PLCE1: variants seen among roughly 807,000 people sequenced by gnomAD.
PLCE1 encodes the protein phospholipase C epsilon 1.
A neutral mutation model predicts 242.8 loss-of-function variants in PLCE1; 119 were observed. The observed-to-expected ratio is 0.49, with a 90% CI of 0.42 to 0.57. The LOEUF (loss-of-function observed/expected upper bound fraction) is 0.57. PLCE1 is among the 20% of genes least tolerant of loss of function. The probability of loss-of-function intolerance (pLI) is 0.00; values close to 1 mark genes in which losing one functional copy is unlikely to be tolerated. For missense variants in PLCE1, 2,441 were observed against 2,788.8 expected, an observed-to-expected ratio of 0.88 and a Z score of 2.81; for synonymous variants, 945 against 1,017.4, an observed-to-expected ratio of 0.93 and a Z score of 1.35.
At chr10:94,238,384 G>A (rs12770820) in intron 7 of PLCE1, among the ~76,000 whole-genome samples, 4,769 of 152,300 alleles carry the variant, frequency 0.031, 99 homozygotes, top group Non-Finnish European at 0.047. Flanking sequence ...TGTGCCTAGC[G>A]AGCTGAAGTC....
chr10:94,280,003 AC>A, intron 20 of PLCE1, 92 bp downstream of exon 20: 1 of 1,265,024 alleles, frequency 7.9e-7, no homozygotes, highest in Non-Finnish European at 1.2e-6. Flanking sequence ...AGCGCCAAAG[AC>A]CAGTAATACG....
At chr10:94,009,762 C>T (rs1374673058) in intron 1 of PLCE1, among the ~76,000 whole-genome samples, 2 of 152,194 alleles carry the variant, frequency 1.3e-5, no homozygotes, top group African/African-American at 4.8e-5. Flanking sequence ...CTTAAAGCTC[C>T]AATATAATCC....
In PLCE1 at chr10:94,254,986, C is replaced by T. The variant is rs540730568; in HGVS notation, c.3491C>T (p.Thr1164Met). ...TAGSPNLAAG[T>M]SSPIRPVSSP... The stretch of plus-strand genomic sequence containing the variant: ...GGGTCCCCCAACTTGGCTGCCGGGA[C>T]GTCATCTCCCATCAGGCCAGTGTCC... Residue 1164 changes from threonine to methionine, a missense_variant, in exon 11 of 33, where the codon ACG becomes ATG. Around this residue, in one of 5 missense-constraint regions of PLCE1, gnomAD observed 1,004 missense variants for 1,322.7 expected, o/e 0.76. Coordinates refer to ENST00000371380, the MANE Select transcript of PLCE1 (RefSeq NM_016341.4). 29 of 1,614,136 alleles carry T rather than the reference C, an allele frequency of 1.8e-5. No individual in the cohort carries two copies. The highest frequency in any genetic ancestry group is 2.7e-5 in the African/African-American group (2 of 75,034).
intron 27 of PLCE1, among the ~76,000 whole-genome samples, chr10:94,309,278 A>G (rs1382490877): frequency 6.6e-6 from 1 of 152,156 alleles, no homozygotes; most frequent in Admixed American, 6.6e-5. Flanking sequence ...TGAGAATGGA[A>G]GAAGGACACT....
intron 4 of PLCE1, among the ~76,000 whole-genome samples, chr10:94,203,433 G>A (rs530892499): frequency 3.9e-5 from 6 of 152,268 alleles, no homozygotes; most frequent in Admixed American, 2.6e-4. Context: ...GAAATTATTC[G>A]TTTAAAATCT....
chr10:94,249,048 C>T (rs1402905044), intron 8 of PLCE1, among the ~76,000 whole-genome samples: 1 of 152,074 alleles, frequency 6.6e-6, no homozygotes, highest in Admixed American at 6.5e-5. Flanking sequence ...ACAGCTCCAC[C>T]CTCCCCCACC....
rs760038608 is a variant in PLCE1, at chr10:94,265,913, G to A, written c.4236G>A (p.Thr1412=). The A allele has an allele frequency of 1.5e-5, 25 of 1,613,774 alleles. No homozygotes were observed. In the South Asian group the frequency reaches 1.6e-4, roughly 11 times the overall value. ...AATCTTCGCACAATACCTACCTCAC[G>A]GGCCATCAGCTCAAAGGAGAATCCT... ...YIESSHNTYL[T]GHQLKGESSV... The change falls in exon 16 of 33, where the codon ACG becomes ACA. Residue 1412 remains threonine, a synonymous_variant. Transcript: ENST00000371380.
chr10:94,298,364 T>C lies in PLCE1; in HGVS notation c.5168-15T>C, dbSNP rs937294044. The C allele has an allele frequency of 1.9e-6, 3 of 1,613,490 alleles. No individual in the cohort carries two copies. In the African/African-American group the frequency reaches 4.0e-5, roughly 22 times the overall value. ...TTTCTACACTAATCTGCGGCTAATT[T>C]CTTGGGGGGTTTAGGTTCCTGTGAA... On this transcript the variant is annotated splice_polypyrimidine_tract_variant and intron_variant, in intron 23 of 32. Coordinates refer to ENST00000371380, the MANE Select transcript of PLCE1 (RefSeq NM_016341.4). This position sits in a 1 kb window ranked among gnomAD's most constrained non-coding sequence, Gnocchi z 5.2.
chr10:94,157,773 C>T (rs2047479384), intron 3 of PLCE1, among the ~76,000 whole-genome samples: 1 of 152,208 alleles, frequency 6.6e-6, no homozygotes, highest in African/African-American at 2.4e-5. Flanking sequence ...GCCTCATTCA[C>T]CCTCTGATTT....
At chr10:94,270,652 A>T (rs1452846223) in intron 18 of PLCE1, 50 bp downstream of exon 18, 1 of 1,090,052 alleles carries the variant, frequency 9.2e-7, no homozygotes, top group Non-Finnish European at 1.4e-6. Context: ...TTGTTTTGCA[A>T]TTGTCATTGG....
At chr10:94,303,049 G>A (rs1377875481) in intron 24 of PLCE1, among the ~76,000 whole-genome samples, 6 of 152,338 alleles carry the variant, frequency 3.9e-5, no homozygotes, top group Middle Eastern at 3.4e-3. Context: ...GGGCCTGAGA[G>A]ATGAGGTCCT....
chr10:94,086,965 A>C (rs186404530), intron 2 of PLCE1, among the ~76,000 whole-genome samples: 3 of 152,328 alleles, frequency 2.0e-5, no homozygotes, highest in African/African-American at 7.2e-5. Context: ...GGAGGTGATT[A>C]GTATTCTTGT....
chr10:94,177,407 A>G (rs2048159562), intron 4 of PLCE1, among the ~76,000 whole-genome samples: 1 of 152,166 alleles, frequency 6.6e-6, no homozygotes, highest in Admixed American at 6.5e-5. Flanking sequence ...AAGAAACAGA[A>G]GCACAAGGAG....
At chr10:94,215,851 A>G (rs1000857706) in intron 4 of PLCE1, among the ~76,000 whole-genome samples, 5 of 152,298 alleles carry the variant, frequency 3.3e-5, no homozygotes, top group African/African-American at 9.6e-5. Flanking sequence ...TGAACCCAGG[A>G]GTTCAAGGCT....
chr10:94,149,954 C>T (rs2047223432), intron 3 of PLCE1, among the ~76,000 whole-genome samples: 1 of 152,126 alleles, frequency 6.6e-6, no homozygotes, highest in Non-Finnish European at 1.5e-5. Context: ...ATATCTGTAA[C>T]TGTAGACAGA....
chr10:94,331,366 A>G lies in PLCE1; in HGVS notation c.*3423A>G, dbSNP rs1564905815. The G allele has an allele frequency of 6.6e-6, 1 of 152,200 alleles. No individual in the cohort carries two copies. Among genetic ancestry groups the G allele is most frequent in the Non-Finnish European group, 1.5e-5 (1 of 68,054 alleles). The allele number at this position is 152,200 out of a possible 1,614,324, so 9.4% of individuals were successfully genotyped here. A position where few individuals can be genotyped will look rare whatever the true frequency, so the allele number is the denominator to read the frequency against. ...TCTTCTCTCCTCTTCCAATATCTCT[A>G]TAGACTTCTGTCCTCTGCCCAGAGA... is the stretch of plus-strand genomic sequence containing the variant. On this transcript the variant is annotated 3_prime_UTR_variant, in exon 33 of 33. Transcript: ENST00000371380.
intron 1 of PLCE1, among the ~76,000 whole-genome samples, chr10:94,002,728 C>T (rs751598936): frequency 5.3e-5 from 8 of 152,194 alleles, no homozygotes; most frequent in South Asian, 2.1e-4. Context: ...TTGAAGGAAC[C>T]GGTCTCCTAA....
intron 1 of PLCE1, among the ~76,000 whole-genome samples, chr10:94,016,776 A>G (rs2061290376): frequency 6.6e-6 from 1 of 152,144 alleles, no homozygotes; most frequent in African/African-American, 2.4e-5. Context: ...ATGTGTAGGT[A>G]TGTATTACTT....
intron 2 of PLCE1, among the ~76,000 whole-genome samples, chr10:94,128,865 A>G (rs548494761): frequency 6.6e-6 from 1 of 152,324 alleles, no homozygotes; most frequent in South Asian, 2.1e-4. Flanking sequence ...CCAGTGGAGA[A>G]CTCATGCCCC....
Sources: gnomAD v4.1 joint callset for allele counts (sites outside exome capture counted in the v4.1 genomes callset) on GRCh38, gnomAD v4.1.1 for gene constraint, gnomAD v4.1.1 regional missense constraint, Gnocchi (gnomAD v3.1) non-coding constraint, MANE v1.5 for transcripts, NCBI Gene and HGNC (gene_info 2026-07-23, HGNC 2026-07-21) for gene names.